PDE4D: variants seen among roughly 807,000 people sequenced by gnomAD.
PDE4D encodes the protein 3',5'-cyclic-AMP phosphodiesterase 4D.
Under a neutral mutation model 87.4 loss-of-function variants are expected in PDE4D, and 24 were observed. The observed-to-expected ratio is 0.27, with a 90% CI of 0.20 to 0.39. The LOEUF is 0.39. Among genes scored for constraint, PDE4D ranks in the 10% least tolerant of loss-of-function variants. PDE4D has a pLI of 1.00. For synonymous variants in PDE4D, 384 were observed against 383.2 expected (o/e 1.00, Z -0.02); for missense variants, 714 against 1,041.0 (o/e 0.69, Z 4.32).
chr5:59,108,680 G>T (rs535964373), intron 5 of PDE4D, among the ~76,000 whole-genome samples: 34 of 152,246 alleles, frequency 2.2e-4, no homozygotes, highest in African/African-American at 7.2e-4. Flanking sequence ...GATCACTTGA[G>T]GTCAGGAGTT....
In PDE4D at chr5:59,548,770, A is replaced by G. The variant is rs546319565; in HGVS notation, c.456-332802T>C. On this transcript the variant is annotated intron_variant, in intron 1 of 14. Coordinates refer to ENST00000340635, the MANE Select transcript of PDE4D (RefSeq NM_001104631.2). ...CCTTACTGGGGAAAGTATGGGTCCT[A>G]CAACAGAGAATAGTAAGTCTCAGCT... 2.0e-5 allele frequency among the ~76,000 whole-genome samples: 3 copies of G among 152,304 alleles called. No homozygotes were observed. In the East Asian group the frequency reaches 5.8e-4, roughly 29 times the overall value.
chr5:59,722,069 A>G (rs7701573), intron 1 of PDE4D, among the ~76,000 whole-genome samples: 86,205 of 152,028 alleles, frequency 0.57, 24,997 homozygotes, highest in African/African-American at 0.63. Flanking sequence ...TTTGGATAAC[A>G]AAACAGCAGA....
At chr5:59,805,947 T>C (rs1202120371) in intron 1 of PDE4D, among the ~76,000 whole-genome samples, 2 of 152,218 alleles carry the variant, frequency 1.3e-5, no homozygotes, top group African/African-American at 4.8e-5. Context: ...CTGCCACTGT[T>C]TCCAGCCATT....
chr5:60,121,282 G>A (rs1778654223), intron 2 of PDE4D, among the ~76,000 whole-genome samples: 1 of 151,978 alleles, frequency 6.6e-6, no homozygotes, highest in African/African-American at 2.4e-5. Context: ...GGAATAAGAT[G>A]CATTTTTAAA....
chr5:59,836,768 A>C (rs1742178281), intron 1 of PDE4D, among the ~76,000 whole-genome samples: 1 of 152,048 alleles, frequency 6.6e-6, no homozygotes, highest in Non-Finnish European at 1.5e-5. Flanking sequence ...ATAGAGGGAG[A>C]AAGAACAGGA....
chr5:60,420,458 A>G (rs1228731614), intron 1 of PDE4D, among the ~76,000 whole-genome samples: 1 of 152,250 alleles, frequency 6.6e-6, no homozygotes, highest in African/African-American at 2.4e-5. Flanking sequence ...ATTGAACAGC[A>G]TGCTAAGATA....
At chr5:59,819,322 C>T (rs536970512) in intron 1 of PDE4D, among the ~76,000 whole-genome samples, 81 of 152,296 alleles carry the variant, frequency 5.3e-4, no homozygotes, top group African/African-American at 1.9e-3. Context: ...TGGTCAATAG[C>T]TGCTTATCTA....
Position 59,915,058 on chromosome 5 carries a change from A to G in PDE4D, c.272+73430T>C, listed in dbSNP as rs551166282. 3.7e-4 allele frequency among the ~76,000 whole-genome samples: 56 copies of G among 152,260 alleles called. No individual in the cohort carries two copies. The South Asian group carries it at 0.011, about 30-fold the overall frequency. ...AAATCCAGAGTTTGTTTTAAGACAG[A>G]TTAAGTTGGAGAGAATCTATTAAAG... On this transcript the variant is annotated intron_variant, in intron 3 of 16. Coordinates refer to the PDE4D transcript ENST00000502484.
chr5:59,415,270 C>T (rs750168992), intron 1 of PDE4D, among the ~76,000 whole-genome samples: 42 of 152,130 alleles, frequency 2.8e-4, no homozygotes, highest in Admixed American at 4.6e-4. Context: ...AAGAAAAATA[C>T]GGGATTTTCT....
At chr5:59,762,423 CATGTGTATATGTGTATATGGGTACACAT>C (rs1561616270) in intron 1 of PDE4D, among the ~76,000 whole-genome samples, 27 of 96,670 alleles carry the variant, frequency 2.8e-4, no homozygotes, top group African/African-American at 5.5e-4. Context: ...TATGGGTACA[CATGTGTATATGTGTATATGGGTACACAT>C]ATGTGTATAT....
chr5:59,602,644 T>A (rs888885380), intron 1 of PDE4D, among the ~76,000 whole-genome samples: 1 of 151,934 alleles, frequency 6.6e-6, no homozygotes, highest in African/African-American at 2.4e-5. Context: ...ATAAGCCCTA[T>A]CAAAATTCCA....
chr5:59,016,660 G>A (rs1010265155), intron 6 of PDE4D, among the ~76,000 whole-genome samples: 2 of 151,880 alleles, frequency 1.3e-5, no homozygotes, highest in African/African-American at 4.8e-5. Context: ...TCTTACTACT[G>A]AACTCTTGAC....
intron 1 of PDE4D, among the ~76,000 whole-genome samples, chr5:59,635,175 A>G (rs987131571): frequency 2.0e-5 from 3 of 152,210 alleles, no homozygotes; most frequent in Admixed American, 2.0e-4. Context: ...ACACCTTCCT[A>G]AGACTAAACC....
At chr5:60,268,270 A>G (rs1031991622) in intron 1 of PDE4D, among the ~76,000 whole-genome samples, 2 of 152,226 alleles carry the variant, frequency 1.3e-5, no homozygotes, top group African/African-American at 4.8e-5. Flanking sequence ...AATGTTTAAG[A>G]AAGTAATAGA....
At chr5:60,460,755 C>T (rs112540736) in intron 1 of PDE4D, 22,529 of 639,330 alleles carry the variant, frequency 0.035, 611 homozygotes, top group Middle Eastern at 0.1. Flanking sequence ...TAGGGAAGTC[C>T]AAGAACCAGA....
chr5:59,983,990 A>C (rs1376919563), intron 3 of PDE4D, among the ~76,000 whole-genome samples: 1 of 152,232 alleles, frequency 6.6e-6, no homozygotes, highest in Non-Finnish European at 1.5e-5. Context: ...ACATTATGCT[A>C]TATTTATGCA....
chr5:59,956,613 C>G (rs1277028185), intron 3 of PDE4D, among the ~76,000 whole-genome samples: 1 of 152,076 alleles, frequency 6.6e-6, no homozygotes, highest in Admixed American at 6.6e-5. Flanking sequence ...TTCTGTATTT[C>G]ATAATTACAA....
At chr5:60,227,825 C>A (rs1312109128) in intron 1 of PDE4D, among the ~76,000 whole-genome samples, 2 of 152,030 alleles carry the variant, frequency 1.3e-5, no homozygotes, top group East Asian at 3.9e-4. Flanking sequence ...TATTTCAGTG[C>A]TATTCTATTG....
chr5:60,286,177 C>CA (rs1339998681), intron 1 of PDE4D, among the ~76,000 whole-genome samples: 5 of 152,070 alleles, frequency 3.3e-5, no homozygotes, highest in East Asian at 1.9e-4. Flanking sequence ...ATAAGTGCCA[C>CA]AAAAAACTGT....
Sources: allele counts gnomAD v4.1 joint callset (sites outside exome capture counted in the v4.1 genomes callset), GRCh38; gene constraint gnomAD v4.1.1; transcripts MANE v1.5; gene names NCBI Gene and HGNC (gene_info 2026-07-23, HGNC 2026-07-21).